Variants in ORC5 observed in about 807,000 individuals in gnomAD.
ORC5 encodes the protein origin recognition complex subunit 5.
In ORC5, 39 loss-of-function variants were observed where a neutral mutation model predicts 58.8. The observed-to-expected ratio is 0.66, with a 90% confidence interval of 0.51 to 0.87. The LOEUF is 0.87. Among genes scored for constraint, ORC5 ranks in the 40% least tolerant of loss-of-function variants. The pLI is 0.00. For synonymous variants in ORC5, 218 were observed against 177.6 expected, an observed-to-expected ratio of 1.23 and a Z score of -1.81; for missense variants, 493 against 506.3, an observed-to-expected ratio of 0.97 and a Z score of 0.25.
chr7:104,135,105 G>A (rs1394187649), intron 13 of ORC5, among the ~76,000 whole-genome samples: 5 of 152,116 alleles, frequency 3.3e-5, no homozygotes, highest in East Asian at 1.9e-4. Context: ...CAGATTCAAT[G>A]GAGATTCACT....
Position 104,136,959 on chromosome 7 carries a change from CATCTT to C in ORC5, c.1150-71_1150-67del, listed in dbSNP as rs1425382410. ...TTATGTAATACTTTTGTTTCTGAAA[CATCTT>C]ATAGTCTGATAAAGATACATAACTG... On this transcript the variant is annotated intron_variant, in intron 12 of 13. Coordinates refer to ENST00000297431, the MANE Select transcript of ORC5 (RefSeq NM_002553.4). The surrounding 1 kb of genome is among the most constrained non-coding windows in gnomAD (Gnocchi z 4.2). The C allele has an allele frequency of 1.8e-6, 2 of 1,099,862 alleles. No homozygotes were observed. The highest frequency in any genetic ancestry group is 3.1e-5 in the African/African-American group (2 of 64,096). The allele number at this position is 1,099,862 out of a possible 1,614,324, so 68.1% of individuals were successfully genotyped here.
intron 13 of ORC5, among the ~76,000 whole-genome samples, chr7:104,134,138 G>A (rs1342022860): frequency 6.6e-6 from 1 of 152,004 alleles, no homozygotes; most frequent in African/African-American, 2.4e-5. Context: ...AATTTAGGTG[G>A]AGGCTGGGCG....
intron 12 of ORC5, among the ~76,000 whole-genome samples, chr7:104,151,216 T>G (rs934148748): frequency 9.2e-5 from 14 of 152,078 alleles, no homozygotes; most frequent in Non-Finnish European, 1.9e-4. Context: ...CAAAAAAAAG[T>G]ATAACCAGAA....
At chr7:104,161,946 T>TA (rs1799032250) in intron 11 of ORC5, among the ~76,000 whole-genome samples, 1 of 152,196 alleles carries the variant, frequency 6.6e-6, no homozygotes, top group Non-Finnish European at 1.5e-5. Flanking sequence ...CCAGTAGCTC[T>TA]AAAAAGATCA....
intron 11 of ORC5, among the ~76,000 whole-genome samples, chr7:104,163,417 TCA>T (rs1799056558): frequency 6.6e-6 from 1 of 152,302 alleles, no homozygotes. Context: ...GTCACTCAAT[TCA>T]CAGTTATGTT....
Position 104,177,840 on chromosome 7 carries a change from T to C in ORC5, c.824+6103A>G, listed in dbSNP as rs191932676. Among the ~76,000 whole-genome samples, 18 of 152,280 alleles carry C rather than the reference T, an allele frequency of 1.2e-4. No individual in the cohort carries two copies. In the East Asian group the frequency reaches 2.9e-3, roughly 25 times the overall value. On this transcript the variant is annotated intron_variant, in intron 8 of 13. Coordinates refer to ENST00000297431, the MANE Select transcript of ORC5 (RefSeq NM_002553.4). ...TGCAGTGTTTGGTTTTCTGTTCCTATGTTAGTTTGCTGAGAATGATGGCTT... is the reference window on the plus strand; with the variant it reads ...TGCAGTGTTTGGTTTTCTGTTCCTACGTTAGTTTGCTGAGAATGATGGCTT...
chr7:104,148,382 C>T (rs1231316774), intron 12 of ORC5, among the ~76,000 whole-genome samples: 1 of 152,176 alleles, frequency 6.6e-6, no homozygotes, highest in African/African-American at 2.4e-5. Context: ...GAAATGACTA[C>T]TCCACCTTGC....
At chr7:104,201,662 A>T (rs1161677350) in intron 2 of ORC5, among the ~76,000 whole-genome samples, 1 of 151,392 alleles carries the variant, frequency 6.6e-6, no homozygotes, top group African/African-American at 2.4e-5. Flanking sequence ...ATCTAAGCAT[A>T]TTTGAATGTT....
At chr7:104,134,416 C>G (rs1251008434) in intron 13 of ORC5, among the ~76,000 whole-genome samples, 1 of 51,804 alleles carries the variant, frequency 1.9e-5, no homozygotes, top group Non-Finnish European at 3.6e-5. Context: ...CACTCCATCT[C>G]AAAAAAAAAA....
At chr7:104,195,589 G>A (rs1214099727) in intron 4 of ORC5, among the ~76,000 whole-genome samples, 2 of 152,078 alleles carry the variant, frequency 1.3e-5, no homozygotes, top group South Asian at 2.1e-4. Context: ...CAGGATCTCT[G>A]TATGTTGCCC....
chr7:104,195,821 C>T (rs775107588), intron 4 of ORC5, among the ~76,000 whole-genome samples: 10 of 152,070 alleles, frequency 6.6e-5, no homozygotes, highest in Non-Finnish European at 1.3e-4. Context: ...TTTATAAAAT[C>T]AGTTTAAATA....
At chr7:104,158,549 A>G (rs1392635002) in intron 12 of ORC5, among the ~76,000 whole-genome samples, 1 of 151,846 alleles carries the variant, frequency 6.6e-6, no homozygotes, top group African/African-American at 2.4e-5. Flanking sequence ...AACCTACAAA[A>G]TGGGAGAAAA....
At position 104,136,690 on chromosome 7, in the gene ORC5, T is replaced by TA; in HGVS notation, c.1262+90_1262+91insT. On this transcript the variant is annotated intron_variant, in intron 13 of 13. Coordinates refer to ENST00000297431, the MANE Select transcript of ORC5 (RefSeq NM_002553.4). This position sits in a 1 kb window ranked among gnomAD's most constrained non-coding sequence, Gnocchi z 4.2. The stretch of plus-strand genomic sequence containing the variant: ...CTTGGCACTTAAATAGATGATTTTT[T>TA]CATGTTTAAATGTCATGACTAATGA... The TA allele has an allele frequency of 1.3e-6, 1 of 781,776 alleles. No individual in the cohort carries two copies. Among genetic ancestry groups the TA allele is most frequent in the Non-Finnish European group, 2.1e-6 (1 of 469,204 alleles). 48.4% of individuals were successfully genotyped at this position (781,776 alleles called of 1,614,324 possible). A position where few individuals can be genotyped will look rare whatever the true frequency, so the allele number is the denominator to read the frequency against.
At chr7:104,142,808 A>C (rs930054421) in intron 12 of ORC5, among the ~76,000 whole-genome samples, 1 of 152,196 alleles carries the variant, frequency 6.6e-6, no homozygotes, top group Non-Finnish European at 1.5e-5. Flanking sequence ...TAAAAGATTA[A>C]TTGTTTGACA....
chr7:104,136,344 C>A lies in ORC5; in HGVS notation c.1262+437G>T, dbSNP rs1460285256. On this transcript the variant is annotated intron_variant, in intron 13 of 13. Transcript: ENST00000297431. This position sits in a 1 kb window ranked among gnomAD's most constrained non-coding sequence, Gnocchi z 4.2. ...ACTAGATTTGATCTGCCTGTGACAACGCACAGTAGAATGATTATGTCCCCT... is the reference window on the plus strand; with the variant it reads ...ACTAGATTTGATCTGCCTGTGACAAAGCACAGTAGAATGATTATGTCCCCT... 6.6e-6 allele frequency among the ~76,000 whole-genome samples: 1 copy of A among 151,994 alleles called. No homozygotes were observed. Among genetic ancestry groups the A allele is most frequent in the Non-Finnish European group, 1.5e-5 (1 of 68,014 alleles).
chr7:104,136,957 A>G lies in ORC5; in HGVS notation c.1150-64T>C. 1 of 1,126,606 alleles carries G rather than the reference A, an allele frequency of 8.9e-7. No individual in the cohort carries two copies. The highest frequency in any genetic ancestry group is 1.3e-5 in the South Asian group (1 of 78,724). The allele number at this position is 1,126,606 out of a possible 1,614,324, so 69.8% of individuals were successfully genotyped here. On this transcript the variant is annotated intron_variant, in intron 12 of 13. Coordinates refer to ENST00000297431, the MANE Select transcript of ORC5 (RefSeq NM_002553.4). This position sits in a 1 kb window ranked among gnomAD's most constrained non-coding sequence, Gnocchi z 4.2. Reference sequence around the variant, plus strand: ...GATTATGTAATACTTTTGTTTCTGAAACATCTTATAGTCTGATAAAGATAC... The same window carrying G: ...GATTATGTAATACTTTTGTTTCTGAGACATCTTATAGTCTGATAAAGATAC...
At chr7:104,206,062 T>G (rs1460948449) in intron 1 of ORC5, among the ~76,000 whole-genome samples, 1 of 152,200 alleles carries the variant, frequency 6.6e-6, no homozygotes, top group African/African-American at 2.4e-5. Flanking sequence ...TTGCTGAGTA[T>G]CTCTGCTATC....
chr7:104,142,732 T>C (rs1584481210), intron 12 of ORC5, among the ~76,000 whole-genome samples: 1 of 152,082 alleles, frequency 6.6e-6, no homozygotes, highest in Admixed American at 6.5e-5. Context: ...AAAACAGACA[T>C]GAAATGAGGT....
At chr7:104,179,220 A>G (rs533568249) in intron 8 of ORC5, among the ~76,000 whole-genome samples, 12 of 151,734 alleles carry the variant, frequency 7.9e-5, no homozygotes, top group Non-Finnish European at 1.5e-4. Context: ...AAGTGCTGGA[A>G]TTATATGTGT....
Sources: allele counts gnomAD v4.1 joint callset (sites outside exome capture counted in the v4.1 genomes callset), GRCh38; gene constraint gnomAD v4.1.1; non-coding constraint Gnocchi (gnomAD v3.1); transcripts MANE v1.5; gene names NCBI Gene and HGNC (gene_info 2026-07-23, HGNC 2026-07-21).